The following TMEM50A variants were observed in gnomAD, a reference collection of about 807,000 sequenced individuals.
TMEM50A encodes the protein cervical cancer oncogene 9.
TMEM50A carries 8 observed loss-of-function variants against 23.9 expected under a neutral mutation model. That is an observed-to-expected ratio of 0.33 (90% CI 0.20 to 0.60). The LOEUF is 0.60. TMEM50A is among the 20% of genes least tolerant of loss of function. The pLI, the probability that TMEM50A is intolerant of heterozygous loss-of-function variation, is 0.81. For missense variants in TMEM50A, 178 were observed against 192.7 expected (o/e 0.92, Z 0.45); for synonymous variants, 55 against 60.4 (o/e 0.91, Z 0.41).
chr1:25,353,237 T>TTC (rs1260056207), intron 5 of TMEM50A, among the ~76,000 whole-genome samples: 2 of 152,180 alleles, frequency 1.3e-5, no homozygotes, highest in Non-Finnish European at 2.9e-5. Context: ...TTTCTTTGGC[T>TTC]TCCAAAAATC....
chr1:25,348,748 T>A (rs926898874), intron 3 of TMEM50A, among the ~76,000 whole-genome samples: 1 of 152,000 alleles, frequency 6.6e-6, no homozygotes, highest in Non-Finnish European at 1.5e-5. Flanking sequence ...CTCACCAAAC[T>A]ATAACATTTT....
intron 4 of TMEM50A, among the ~76,000 whole-genome samples, chr1:25,352,303 G>A (rs1194127008): frequency 1.3e-5 from 2 of 152,020 alleles, no homozygotes; most frequent in South Asian, 2.1e-4. Flanking sequence ...AGATCATCCT[G>A]GCTAACACAG....
chr1:25,353,010 G>A (rs371758964), intron 5 of TMEM50A, 36 bp downstream of exon 5: 2 of 1,554,106 alleles, frequency 1.3e-6, no homozygotes, highest in Non-Finnish European at 1.7e-6. Context: ...TACTTCAGTG[G>A]AATACTGGAA....
chr1:25,360,348 CAA>C (rs766272933), intron 6 of TMEM50A, among the ~76,000 whole-genome samples: 98 of 81,358 alleles, frequency 1.2e-3, no homozygotes, highest in African/African-American at 2.7e-3. Context: ...GACTCTGTCT[CAA>C]AAAAAAAAAA....
At chr1:25,348,640 G>A (rs922353343) in intron 3 of TMEM50A, among the ~76,000 whole-genome samples, 2 of 149,758 alleles carry the variant, frequency 1.3e-5, no homozygotes, top group African/African-American at 4.9e-5. Context: ...AGCTGAGATT[G>A]TGCCACTGCA....
chr1:25,362,281 G>T lies in TMEM50A; in HGVS notation c.*1576G>T, dbSNP rs1645420706. 2 of 842,434 alleles carry T rather than the reference G, an allele frequency of 2.4e-6. No individual in the cohort carries two copies. The highest frequency in any genetic ancestry group is 2.9e-5 in the Admixed American group (1 of 34,738). 52.2% of individuals were successfully genotyped at this position (842,434 alleles called of 1,614,324 possible). A position where few individuals can be genotyped will look rare whatever the true frequency, so the allele number is the denominator to read the frequency against. On this transcript the variant is annotated 3_prime_UTR_variant, in exon 7 of 7. Coordinates refer to ENST00000374358, the MANE Select transcript of TMEM50A (RefSeq NM_014313.4). Reference sequence around the variant, plus strand: ...AACCCAAAACTTTAATAATGTGTCTGTAACCAAGAAAATATTGATAGCATC... The same window carrying T: ...AACCCAAAACTTTAATAATGTGTCTTTAACCAAGAAAATATTGATAGCATC...
At chr1:25,353,030 A>G in intron 5 of TMEM50A, 56 bp downstream of exon 5, 1 of 1,503,582 alleles carries the variant, frequency 6.7e-7, no homozygotes, top group Middle Eastern at 1.7e-4. Context: ...ATTTTGCATT[A>G]AAGTTGGTTA....
chr1:25,344,662 G>A (rs1285076048), intron 3 of TMEM50A, among the ~76,000 whole-genome samples: 1 of 151,580 alleles, frequency 6.6e-6, no homozygotes, highest in African/African-American at 2.4e-5. Flanking sequence ...TTATAGGTGT[G>A]AGCCACTGTG....
Position 25,360,868 on chromosome 1 carries a change from C to G in TMEM50A, c.*163C>G. 6.5e-6 allele frequency: 4 copies of G among 612,274 alleles called. No homozygotes were observed. Among genetic ancestry groups the G allele is most frequent in the Non-Finnish European group, 1.1e-5 (4 of 367,628 alleles). The allele number at this position is 612,274 out of a possible 1,614,324, so 37.9% of individuals were successfully genotyped here. On this transcript the variant is annotated 3_prime_UTR_variant, in exon 7 of 7. Transcript: ENST00000374358. Reference sequence around the variant, plus strand: ...AATCACGAGAACACCTAAACAACAACCAAAAATCTATTGTGGTATGCACTT... The same window carrying G: ...AATCACGAGAACACCTAAACAACAAGCAAAAATCTATTGTGGTATGCACTT...
chr1:25,356,768 CTA>C, intron 5 of TMEM50A, 23 bp from the exon 6 acceptor site: 1 of 1,547,544 alleles, frequency 6.5e-7, no homozygotes, highest in Non-Finnish European at 8.8e-7. Context: ...TCATAACCCT[CTA>C]AACACTGCAA....
At chr1:25,342,772 A>G (rs1645179555) in intron 2 of TMEM50A, 189 bp from the exon 3 acceptor site, 4 of 382,158 alleles carry the variant, frequency 1.0e-5, no homozygotes, top group Non-Finnish European at 1.4e-5. Flanking sequence ...AGTTATGTTA[A>G]TAAATATAAA....
intron 1 of TMEM50A, among the ~76,000 whole-genome samples, chr1:25,340,228 G>A (rs1363651422): frequency 2.0e-5 from 3 of 151,988 alleles, no homozygotes; most frequent in African/African-American, 7.3e-5. Context: ...GAACCACCAC[G>A]CCCGGCCCCC....
intron 6 of TMEM50A, among the ~76,000 whole-genome samples, chr1:25,357,528 A>AGTGTGTGTGTGTGTGTGTGTGT (rs58801158): frequency 1.4e-4 from 20 of 139,662 alleles, no homozygotes; most frequent in African/African-American, 3.8e-4. Flanking sequence ...CTGCATCAGG[A>AGTGTGTGTGTGTGTGTGTGTGT]GTGTGTGTGT....
At chr1:25,354,216 C>T (rs960224314) in intron 5 of TMEM50A, among the ~76,000 whole-genome samples, 1 of 152,244 alleles carries the variant, frequency 6.6e-6, no homozygotes, top group East Asian at 1.9e-4. Flanking sequence ...TCTCAAACTC[C>T]TGGGCTCAAG....
chr1:25,347,555 T>A (rs1645231640), intron 3 of TMEM50A, among the ~76,000 whole-genome samples: 1 of 152,114 alleles, frequency 6.6e-6, no homozygotes, highest in African/African-American at 2.4e-5. Context: ...GACTTTTAAT[T>A]TAGGTTGTAG....
chr1:25,339,202 T>C (rs1411074120), intron 1 of TMEM50A, among the ~76,000 whole-genome samples: 1 of 152,236 alleles, frequency 6.6e-6, no homozygotes, highest in Non-Finnish European at 1.5e-5. Context: ...TGGGTGTTGT[T>C]ATTCGCAAGT....
intron 6 of TMEM50A, among the ~76,000 whole-genome samples, chr1:25,357,736 C>CAAG (rs1253287951): frequency 2.0e-5 from 3 of 152,036 alleles, no homozygotes; most frequent in Non-Finnish European, 4.4e-5. Context: ...CTCCCGGGTT[C>CAAG]AAGTGATTCT....
intron 6 of TMEM50A, among the ~76,000 whole-genome samples, chr1:25,359,208 A>G (rs1367685114): frequency 1.3e-5 from 2 of 152,150 alleles, no homozygotes; most frequent in Non-Finnish European, 2.9e-5. Context: ...CCTGTGGGTA[A>G]TTTGCCACCC....
intron 6 of TMEM50A, among the ~76,000 whole-genome samples, chr1:25,358,470 A>G (rs1645360216): frequency 6.6e-6 from 1 of 152,232 alleles, no homozygotes; most frequent in African/African-American, 2.4e-5. Context: ...CAAAAAAGAA[A>G]CAAAAATCCC....
Sources: allele counts gnomAD v4.1 joint callset (sites outside exome capture counted in the v4.1 genomes callset), GRCh38; gene constraint gnomAD v4.1.1; transcripts MANE v1.5; gene names NCBI Gene and HGNC (gene_info 2026-07-23, HGNC 2026-07-21).